Variants in RP1 observed in about 807,000 individuals in gnomAD.
RP1 encodes RP1 axonemal microtubule associated.
RP1 carries 16 observed loss-of-function variants against 14.8 expected under a neutral mutation model. That is an observed-to-expected ratio of 1.08 (90% CI 0.73 to 1.65). The LOEUF is 1.65. RP1 is among the 40% of genes most tolerant of loss of function. RP1 has a pLI of 0.00. For synonymous variants in RP1, 876 were observed against 883.6 expected (o/e 0.99, Z 0.15); for missense variants, 2,631 against 2,535.0 (o/e 1.04, Z -0.81).
chr8:54,576,201 C>T lies in RP1; in HGVS notation c.-13+16881C>T, dbSNP rs182923391. Among the ~76,000 whole-genome samples the T allele has an allele frequency of 1.9e-4, 29 of 152,224 alleles. No homozygotes were observed. In the Middle Eastern group the frequency reaches 0.014, roughly 71 times the overall value. ...GACTACAGGCGCGCGCCACCACGCC[C>T]GGCTAATTTTGTTTTAGTATTTTTA... On this transcript the variant is annotated intron_variant, in intron 1 of 22. Coordinates refer to the RP1 transcript ENST00000636932.
chr8:54,734,273 T>C (rs986479960), intron 17 of RP1, among the ~76,000 whole-genome samples: 7 of 152,182 alleles, frequency 4.6e-5, no homozygotes, highest in Non-Finnish European at 8.8e-5. Context: ...CTTCCTGTGC[T>C]ATAGCATTGA....
intron 19 of RP1, among the ~76,000 whole-genome samples, chr8:54,749,957 A>G (rs1468578882): frequency 1.3e-5 from 2 of 152,054 alleles, no homozygotes; most frequent in Non-Finnish European, 2.9e-5. Context: ...GGAGAGAGGA[A>G]GCAGGAGAAG....
chr8:54,802,139 C>T (rs1810728385), intron 24 of RP1, among the ~76,000 whole-genome samples: 1 of 152,174 alleles, frequency 6.6e-6, no homozygotes, highest in African/African-American at 2.4e-5. Flanking sequence ...CATAAGTCCA[C>T]TGTTCTCCAT....
At chr8:54,820,538 C>T (rs1204393723) in intron 24 of RP1, among the ~76,000 whole-genome samples, 2 of 152,108 alleles carry the variant, frequency 1.3e-5, no homozygotes, top group East Asian at 1.9e-4. Context: ...GAATTCTGTC[C>T]TGTGTTGTGC....
At chr8:54,782,675 C>T (rs1810218627) in intron 23 of RP1, among the ~76,000 whole-genome samples, 1 of 151,994 alleles carries the variant, frequency 6.6e-6, no homozygotes, top group African/African-American at 2.4e-5. Flanking sequence ...GGTGTGGACT[C>T]AGGGTGAGAG....
chr8:54,747,131 C>G (rs544554723), intron 19 of RP1, among the ~76,000 whole-genome samples: 1 of 152,208 alleles, frequency 6.6e-6, no homozygotes, highest in South Asian at 2.1e-4. Context: ...TTTCTCTTCT[C>G]TCTGCTGTAA....
chr8:54,778,321 C>CTTTTTTTT, intron 23 of RP1, among the ~76,000 whole-genome samples: 1 of 96,772 alleles, frequency 1.0e-5, no homozygotes, highest in Non-Finnish European at 2.2e-5. Flanking sequence ...GCTTCTTCTT[C>CTTTTTTTT]TTTTTTTTTT....
Position 54,626,919 on chromosome 8 carries a change from AATG to A in RP1, c.3041_3043del (p.Asp1014del). ...CCATGAGACACAGGTTGGATCTCTG[AATG>A]ATGCTTATTTGGTTCCCCTGCATGA... On this transcript the variant is annotated inframe_deletion, in exon 4 of 4. Transcript: ENST00000220676. 13 of 1,613,828 alleles carry A rather than the reference AATG, an allele frequency of 8.1e-6. No homozygotes were observed. The highest frequency in any genetic ancestry group is 1.1e-5 in the Non-Finnish European group (13 of 1,179,970).
intron 24 of RP1, among the ~76,000 whole-genome samples, chr8:54,825,425 T>G: frequency 6.6e-6 from 1 of 152,190 alleles, no homozygotes; most frequent in East Asian, 1.9e-4. Flanking sequence ...ATTGTGTCTT[T>G]AGACATAAAA....
At chr8:54,583,461 C>CT (rs1009486210) in intron 1 of RP1, among the ~76,000 whole-genome samples, 1 of 152,046 alleles carries the variant, frequency 6.6e-6, no homozygotes, top group East Asian at 1.9e-4. Context: ...CCAAAATTCT[C>CT]TTTTTTTGTT....
intron 25 of RP1, among the ~76,000 whole-genome samples, chr8:54,846,169 A>G (rs534314433): frequency 6.6e-6 from 1 of 152,352 alleles, no homozygotes; most frequent in East Asian, 1.9e-4. Flanking sequence ...CAGATTAAAG[A>G]CAGAACTATG....
intron 6 of RP1, among the ~76,000 whole-genome samples, chr8:54,661,249 G>GAT (rs1806886579): frequency 1.0e-5 from 1 of 96,128 alleles, no homozygotes; most frequent in Non-Finnish European, 2.1e-5. Flanking sequence ...TATACATAAT[G>GAT]ATATATAAAT....
intron 12 of RP1, among the ~76,000 whole-genome samples, chr8:54,693,810 T>C (rs1244150439): frequency 1.3e-5 from 2 of 152,142 alleles, no homozygotes; most frequent in African/African-American, 2.4e-5. Flanking sequence ...TACCCTTTAT[T>C]TCCTTCTCCT....
At chr8:54,649,506 T>A (rs1806614615) in intron 4 of RP1, among the ~76,000 whole-genome samples, 1 of 152,206 alleles carries the variant, frequency 6.6e-6, no homozygotes, top group Non-Finnish European at 1.5e-5. Flanking sequence ...AGTTGTTAAT[T>A]ACTGGTTTTT....
chr8:54,827,330 ATTTTT>A (rs111615579), intron 24 of RP1, among the ~76,000 whole-genome samples: 2 of 145,974 alleles, frequency 1.4e-5, no homozygotes, highest in Non-Finnish European at 1.5e-5. Context: ...TTTATAGTGT[ATTTTT>A]TTTTTTTTTT....
At chr8:54,563,278 C>T (rs780029926) in intron 1 of RP1, among the ~76,000 whole-genome samples, 1 of 152,178 alleles carries the variant, frequency 6.6e-6, no homozygotes, top group Non-Finnish European at 1.5e-5. Context: ...CTTGACCACA[C>T]AGGAAATTCC....
At chr8:54,724,569 A>C (rs1808609102) in intron 16 of RP1, among the ~76,000 whole-genome samples, 2 of 152,092 alleles carry the variant, frequency 1.3e-5, no homozygotes, top group Admixed American at 6.5e-5. Flanking sequence ...CTAGTGATAC[A>C]GTTTTCACTT....
At chr8:54,582,857 G>C (rs895962525) in intron 1 of RP1, among the ~76,000 whole-genome samples, 1 of 152,178 alleles carries the variant, frequency 6.6e-6, no homozygotes, top group African/African-American at 2.4e-5. Context: ...TTTGTATCCT[G>C]AGACTTTGCT....
rs563657542 is a variant in RP1, at chr8:54,563,408, C to T, written c.-13+4088C>T. Among the ~76,000 whole-genome samples, 17 of 152,342 alleles carry T rather than the reference C, an allele frequency of 1.1e-4. No individual in the cohort carries two copies. In the South Asian group the frequency reaches 1.9e-3, roughly 17 times the overall value. ...CATCTTCTCGGCTCAGTTACCTCCC[C>T]GGGTACCCATGTCCACATATGTGAT... is the stretch of plus-strand genomic sequence containing the variant. On this transcript the variant is annotated intron_variant, in intron 1 of 22. Transcript: ENST00000636932.
Sources: gnomAD v4.1 joint callset for allele counts (sites outside exome capture counted in the v4.1 genomes callset) on GRCh38, gnomAD v4.1.1 for gene constraint, MANE v1.5 for transcripts, NCBI Gene and HGNC (gene_info 2026-07-23, HGNC 2026-07-21) for gene names.